MEI1: variants seen among roughly 807,000 people sequenced by gnomAD.
MEI1 encodes meiotic double-stranded break formation protein 1.
In MEI1, 103 loss-of-function variants were observed where a neutral mutation model predicts 146.2. That is an observed-to-expected ratio of 0.70 (90% confidence interval 0.60 to 0.83). MEI1 has a LOEUF of 0.83. Among genes scored for constraint, MEI1 ranks in the 40% least tolerant of loss-of-function variants. The pLI, the probability that MEI1 is intolerant of heterozygous loss-of-function variation, is 0.00. For missense variants in MEI1, 1,529 were observed against 1,533.0 expected (o/e 1.00, Z 0.04); for synonymous variants, 652 against 628.2 (o/e 1.04, Z -0.57).
chr22:41,702,590 C>T (rs1049412496), intron 1 of MEI1, among the ~76,000 whole-genome samples: 1 of 151,960 alleles, frequency 6.6e-6, no homozygotes, highest in Non-Finnish European at 1.5e-5. Flanking sequence ...GGGATATAGG[C>T]ATGCGCCACC....
intron 11 of MEI1, among the ~76,000 whole-genome samples, chr22:41,735,663 A>G (rs1309230422): frequency 2.6e-5 from 4 of 152,004 alleles, no homozygotes; most frequent in Non-Finnish European, 5.9e-5. Flanking sequence ...TGTCTTTTGT[A>G]TTTTCTCTGT....
chr22:41,774,021 A>G (rs5751156), intron 20 of MEI1, among the ~76,000 whole-genome samples: 126,931 of 152,194 alleles, frequency 0.83, 53,888 homozygotes, highest in African/African-American at 0.96. Context: ...TCTGTTTTTT[A>G]TATGGGTAAT....
In MEI1 at chr22:41,705,534, T is replaced by C. The variant is rs888401088; in HGVS notation, c.329T>C (p.Val110Ala). 1.2e-6 allele frequency: 2 copies of C among 1,613,594 alleles called. No homozygotes were observed. The highest frequency in any genetic ancestry group is 1.3e-5 in the African/African-American group (1 of 74,992). The change falls in exon 3 of 31, where the codon GTG (valine) becomes GCG (alanine). Residue 110 changes from valine to alanine, a missense_variant. Physicochemically the swap from Val to Ala is moderately conservative, Grantham distance 64. Around this residue, in one of 3 missense-constraint regions of MEI1, gnomAD observed 1,212 missense variants for 1,178.9 expected, o/e 1.03. Coordinates refer to ENST00000401548, the MANE Select transcript of MEI1 (RefSeq NM_152513.4). The stretch of plus-strand genomic sequence containing the variant: ...TTATGCAGCATGGAAGATGGGAGTG[T>C]GACAGACCTCTGTATTGAAGGTAAG... Reference protein sequence around the residue: ...GLLCSMEDGSVTDLCIEVLIQ... With the variant: ...GLLCSMEDGSATDLCIEVLIQ...
intron 19 of MEI1, among the ~76,000 whole-genome samples, chr22:41,768,442 C>G (rs932900356): frequency 2.6e-5 from 4 of 151,158 alleles, no homozygotes; most frequent in Non-Finnish European, 4.4e-5. Flanking sequence ...ACAATAGCAT[C>G]AAGAAATTAA....
At chr22:41,709,230 C>G (rs1043077652) in intron 3 of MEI1, 2 of 877,424 alleles carry the variant, frequency 2.3e-6, no homozygotes, top group East Asian at 4.9e-5. Context: ...CACTTGGCAT[C>G]TCCAGCACCT....
intron 21 of MEI1, among the ~76,000 whole-genome samples, chr22:41,777,743 C>A (rs181401016): frequency 4.6e-4 from 70 of 152,204 alleles, no homozygotes; most frequent in African/African-American, 1.6e-3. Flanking sequence ...CTGGGAAATC[C>A]AAAATCAAGG....
chr22:41,753,332 T>C (rs2073897889), intron 16 of MEI1, among the ~76,000 whole-genome samples: 1 of 151,928 alleles, frequency 6.6e-6, no homozygotes, highest in Non-Finnish European at 1.5e-5. Context: ...TTTTTTTAAT[T>C]AGCCAGACCT....
chr22:41,711,426 C>G (rs375372712), intron 3 of MEI1, among the ~76,000 whole-genome samples: 24 of 152,166 alleles, frequency 1.6e-4, no homozygotes, highest in Admixed American at 5.2e-4. Context: ...TCTGACCCCC[C>G]GGGGGATTTT....
chr22:41,740,313 C>T (rs1008068921), intron 11 of MEI1, among the ~76,000 whole-genome samples: 11 of 152,164 alleles, frequency 7.2e-5, no homozygotes, highest in African/African-American at 1.4e-4. Context: ...CCACCGCGCC[C>T]GGCCAAAGAT....
chr22:41,750,808 CAAG>C (rs983425790), intron 15 of MEI1, among the ~76,000 whole-genome samples: 43 of 152,288 alleles, frequency 2.8e-4, no homozygotes, highest in African/African-American at 1.0e-3. Flanking sequence ...GAGAATTAAA[CAAG>C]ATGATGCATA....
Position 41,776,259 on chromosome 22 carries a change from C to T in MEI1, c.2702C>T (p.Pro901Leu). Reference protein sequence around the residue: ...QRLLVEHGASPSGASGNLPLL... With the variant: ...QRLLVEHGASLSGASGNLPLL... ...CTGCTAGTGGAGCATGGGGCATCCC[C>T]ATCAGGAGGTCAGTCTGCAGGTGCT... Residue 901 changes from proline to leucine, a missense_variant, in exon 21 of 31, where the codon CCA (proline) becomes CTA (leucine). Coordinates refer to ENST00000401548, the MANE Select transcript of MEI1 (RefSeq NM_152513.4). 1 of 1,613,526 alleles carries T rather than the reference C, an allele frequency of 6.2e-7. No individual in the cohort carries two copies.
intron 18 of MEI1, among the ~76,000 whole-genome samples, chr22:41,759,693 G>T (rs1007591600): frequency 1.3e-5 from 2 of 151,642 alleles, no homozygotes; most frequent in Non-Finnish European, 2.9e-5. Flanking sequence ...GCCGGGCATG[G>T]TGGCAGGCGC....
chr22:41,793,460 C>G (rs558298731), intron 26 of MEI1, among the ~76,000 whole-genome samples: 1 of 152,252 alleles, frequency 6.6e-6, no homozygotes, highest in South Asian at 2.1e-4. Context: ...CACCAACACA[C>G]CTAGCTAATT....
chr22:41,743,318 C>T lies in MEI1; in HGVS notation c.1446+124C>T, dbSNP rs1007353044. The T allele has an allele frequency of 8.2e-6, 5 of 609,972 alleles. No homozygotes were observed. The African/African-American group carries it at 9.1e-5, about 11-fold the overall frequency. 37.8% of individuals were successfully genotyped at this position (609,972 alleles called of 1,614,324 possible). ...ACTTTTTCTCATGCACACATGGCTA[C>T]AATGAGATGCTTTTTCCCTAATAGC... On this transcript the variant is annotated intron_variant, in intron 12 of 30. Transcript: ENST00000401548.
intron 3 of MEI1, among the ~76,000 whole-genome samples, chr22:41,712,877 C>T (rs1313952804): frequency 8.2e-5 from 12 of 146,044 alleles, no homozygotes; most frequent in African/African-American, 2.8e-4. Context: ...GGCGTGATCT[C>T]GGCTCACTAC....
chr22:41,704,092 C>T (rs1276190064), intron 2 of MEI1, among the ~76,000 whole-genome samples: 1 of 152,202 alleles, frequency 6.6e-6, no homozygotes, highest in Non-Finnish European at 1.5e-5. Flanking sequence ...TACTTTCCCT[C>T]TCCTGTGCCT....
chr22:41,783,837 G>T (rs2075849671), intron 24 of MEI1, among the ~76,000 whole-genome samples: 1 of 152,000 alleles, frequency 6.6e-6, no homozygotes, highest in Admixed American at 6.6e-5. Flanking sequence ...ATGCTACCAT[G>T]CCCAGATAAT....
intron 23 of MEI1, 69 bp from the exon 24 acceptor site, chr22:41,781,616 C>T (rs1469170073): frequency 6.5e-7 from 1 of 1,530,284 alleles, no homozygotes; most frequent in Non-Finnish European, 8.9e-7. Context: ...AGGTGCTAAG[C>T]ACCATAGTGG....
At position 41,721,237 on chromosome 22, in the gene MEI1, C is replaced by CTTTTTTTTTTT. The variant is rs984702207; in HGVS notation, c.734-2691_734-2681dup. Among the ~76,000 whole-genome samples the CTTTTTTTTTTT allele has an allele frequency of 1.1e-4, 8 of 70,484 alleles. 1 individual carries two copies. The highest frequency in any genetic ancestry group is 5.5e-4 in the African/African-American group (8 of 14,594). The allele number at this position is 70,484 out of a possible 152,430, so 46.2% of individuals were successfully genotyped here. On this transcript the variant is annotated intron_variant, in intron 6 of 30. Transcript: ENST00000401548. ...ACAGGTGTTAGCCACCACGCCCGTT[C>CTTTTTTTTTTT]TTTTTTTTTTTTTTTTTTTTTTTTT... is the stretch of plus-strand genomic sequence containing the variant.
Sources: gnomAD v4.1 joint callset for allele counts (sites outside exome capture counted in the v4.1 genomes callset) on GRCh38, gnomAD v4.1.1 for gene constraint, gnomAD v4.1.1 regional missense constraint, MANE v1.5 for transcripts, NCBI Gene and HGNC (gene_info 2026-07-23, HGNC 2026-07-21) for gene names.